The following CACNB2 variants were observed in gnomAD, a reference collection of about 807,000 sequenced individuals.
The protein encoded by CACNB2 is voltage-dependent L-type calcium channel subunit beta-2.
A neutral mutation model predicts 73.3 loss-of-function variants in CACNB2; 42 were observed. The observed-to-expected ratio is 0.57, with a 90% CI of 0.45 to 0.74. The LOEUF is 0.74. Ranked by LOEUF, CACNB2 falls within the 30% of genes least tolerant of loss-of-function variation. The pLI is 0.00. For missense variants in CACNB2, 940 were observed against 853.0 expected, an observed-to-expected ratio of 1.10 and a Z score of -1.27; for synonymous variants, 348 against 310.3, an observed-to-expected ratio of 1.12 and a Z score of -1.28.
chr10:18,298,075 A>G (rs1416977764), intron 2 of CACNB2, among the ~76,000 whole-genome samples: 1 of 152,138 alleles, frequency 6.6e-6, no homozygotes, highest in African/African-American at 2.4e-5. Flanking sequence ...ATCATTTAAA[A>G]CCTAACCTTG....
chr10:18,367,339 TTAAA>T (rs1484508517), intron 2 of CACNB2, among the ~76,000 whole-genome samples: 15 of 152,302 alleles, frequency 9.8e-5, no homozygotes, highest in African/African-American at 1.7e-4. Flanking sequence ...AACTTGGATT[TTAAA>T]TAGTTTTCAA....
chr10:18,447,495 C>T (rs537566372), intron 3 of CACNB2, among the ~76,000 whole-genome samples: 1 of 152,214 alleles, frequency 6.6e-6, no homozygotes, highest in African/African-American at 2.4e-5. Context: ...GGCTAAGAAA[C>T]AGTGGTCAGG....
At chr10:18,532,727 C>CA (rs1227923896) in intron 10 of CACNB2, among the ~76,000 whole-genome samples, 5 of 109,632 alleles carry the variant, frequency 4.6e-5, no homozygotes, top group South Asian at 2.9e-4. Context: ...ACAAAAAAAA[C>CA]AAAAAAACCC....
chr10:18,405,187 C>A (rs2044218229), intron 3 of CACNB2, among the ~76,000 whole-genome samples: 1 of 152,100 alleles, frequency 6.6e-6, no homozygotes, highest in South Asian at 2.1e-4. Context: ...GGTGTACAAC[C>A]ATCACTATAA....
At chr10:18,471,002 C>T (rs1244876611) in intron 3 of CACNB2, among the ~76,000 whole-genome samples, 1 of 151,946 alleles carries the variant, frequency 6.6e-6, no homozygotes, top group African/African-American at 2.4e-5. Flanking sequence ...TCGATGTGGT[C>T]AAATGAAAGG....
Position 18,150,950 on chromosome 10 carries a change from C to G in CACNB2, c.188C>G (p.Thr63Ser). ...TCTGATGGAAGCACGTCATCTGATA[C>G]TACCTCAAATAGTTTTGTTCGCCAG... ...KGSDGSTSSD[T>S]TSNSFVRQGS... The change falls in exon 2 of 14, where the codon ACT becomes AGT. Residue 63 changes from threonine to serine, a missense_variant. Thr to Ser is a moderately conservative substitution (Grantham distance 58). Transcript: ENST00000324631. The G allele has an allele frequency of 6.9e-7, 1 of 1,453,000 alleles. No homozygotes were observed. The highest frequency in any genetic ancestry group is 9.3e-7 in the Non-Finnish European group (1 of 1,081,034). 90.0% of individuals were successfully genotyped at this position (1,453,000 alleles called of 1,614,324 possible).
At chr10:18,182,538 C>T (rs1304340953) in intron 2 of CACNB2, among the ~76,000 whole-genome samples, 1 of 150,840 alleles carries the variant, frequency 6.6e-6, no homozygotes, top group African/African-American at 2.4e-5. Flanking sequence ...AAAAATCACC[C>T]AGGCAGGAGG....
chr10:18,518,060 T>C (rs902310525), intron 7 of CACNB2, among the ~76,000 whole-genome samples: 1 of 152,226 alleles, frequency 6.6e-6, no homozygotes, highest in Non-Finnish European at 1.5e-5. Context: ...AACTAGTTTT[T>C]GTTCAAAAGC....
intron 2 of CACNB2, among the ~76,000 whole-genome samples, chr10:18,323,527 C>G (rs1375975813): frequency 1.3e-5 from 2 of 151,818 alleles, no homozygotes; most frequent in African/African-American, 2.4e-5. Flanking sequence ...GAACACTCAT[C>G]GAATCATAGT....
Position 18,140,841 on chromosome 10 carries a change from C to T in CACNB2, c.105C>T (p.Leu35=). The change falls in exon 1 of 14, where the codon CTC becomes CTT. Residue 35 remains leucine, a synonymous_variant. Transcript: ENST00000324631. ...LLENVAPAGA[L]GAAAQSYGKG... is the part of the protein sequence containing the mutation. ...AGAACGTGGCTCCCGCGGGGGCGCT[C>T]GGAGCCGCCGCACAGGTAGCGAGAG... 6.2e-7 allele frequency: 1 copy of T among 1,601,886 alleles called. No individual in the cohort carries two copies. Among genetic ancestry groups the T allele is most frequent in the Non-Finnish European group, 8.5e-7 (1 of 1,176,040 alleles).
intron 2 of CACNB2, among the ~76,000 whole-genome samples, chr10:18,397,584 G>C (rs933987622): frequency 1.2e-4 from 19 of 152,056 alleles, no homozygotes; most frequent in African/African-American, 4.6e-4. Flanking sequence ...GTGTGGTGGT[G>C]CACATCTGTA....
intron 2 of CACNB2, among the ~76,000 whole-genome samples, chr10:18,216,870 C>G (rs1253788599): frequency 2.6e-5 from 4 of 152,092 alleles, no homozygotes; most frequent in African/African-American, 9.7e-5. Context: ...GTCATAGGAC[C>G]AATGACAACC....
At chr10:18,371,359 T>C (rs1228957439) in intron 2 of CACNB2, among the ~76,000 whole-genome samples, 2 of 152,084 alleles carry the variant, frequency 1.3e-5, no homozygotes, top group Non-Finnish European at 2.9e-5. Context: ...CTCCCCCCTT[T>C]CCCCGACCCC....
At chr10:18,521,090 C>T (rs900129518) in intron 9 of CACNB2, among the ~76,000 whole-genome samples, 1 of 152,244 alleles carries the variant, frequency 6.6e-6, no homozygotes, top group African/African-American at 2.4e-5. Context: ...GCTGCATACT[C>T]TCTGCTAGAG....
rs772732675 is a variant in CACNB2, at chr10:18,152,709, C to CAAAAAAAAAA, written c.213+1748_213+1757dup. ...TCATCATGCAGGACCTGAAACAGACCAAAAAAAAAAAAAAAAAAAAAAACA... is the reference window on the plus strand; with the variant it reads ...TCATCATGCAGGACCTGAAACAGACCAAAAAAAAAAAAAAAAAAAAAAAAAAAAAAAAACA... On this transcript the variant is annotated intron_variant, in intron 2 of 13. Coordinates refer to ENST00000324631, the MANE Select transcript of CACNB2 (RefSeq NM_201596.3). Among the ~76,000 whole-genome samples, 159 of 49,264 alleles carry CAAAAAAAAAA rather than the reference C, an allele frequency of 3.2e-3. 6 individuals carry two copies. Among genetic ancestry groups the CAAAAAAAAAA allele is most frequent in the Non-Finnish European group, 4.3e-3 (115 of 26,950 alleles). The allele number at this position is 49,264 out of a possible 152,430, so 32.3% of individuals were successfully genotyped here.
chr10:18,463,391 T>C (rs1213224989), intron 3 of CACNB2, among the ~76,000 whole-genome samples: 1 of 152,004 alleles, frequency 6.6e-6, no homozygotes, highest in African/African-American at 2.4e-5. Flanking sequence ...GTTCTTTGTT[T>C]CTCACCTTCC....
At chr10:18,215,729 G>A (rs1277571516) in intron 2 of CACNB2, among the ~76,000 whole-genome samples, 4 of 152,086 alleles carry the variant, frequency 2.6e-5, no homozygotes, top group African/African-American at 4.8e-5. Flanking sequence ...GGAAATAAGC[G>A]AGGTGAAGAA....
rs57533459 is a variant in CACNB2, at chr10:18,344,066, CAA to C, written c.214-57842_214-57841del. Among the ~76,000 whole-genome samples the C allele has an allele frequency of 1.5e-3, 166 of 109,452 alleles. 1 individual carries two copies. Among genetic ancestry groups the C allele is most frequent in the South Asian group, 7.0e-3 (24 of 3,438 alleles). The allele number at this position is 109,452 out of a possible 152,430, so 71.8% of individuals were successfully genotyped here. A position where few individuals can be genotyped will look rare whatever the true frequency, so the allele number is the denominator to read the frequency against. ...AATTTTATATTGCTCAAGCATTTAT[CAA>C]AAAAAAAAAAAAAAAGAAAGTTAGC... On this transcript the variant is annotated intron_variant, in intron 2 of 13. Coordinates refer to ENST00000324631, the MANE Select transcript of CACNB2 (RefSeq NM_201596.3).
At chr10:18,387,449 G>C (rs1401653566) in intron 2 of CACNB2, among the ~76,000 whole-genome samples, 1 of 152,124 alleles carries the variant, frequency 6.6e-6, no homozygotes, top group Non-Finnish European at 1.5e-5. Flanking sequence ...TCTGGGATTG[G>C]GGAACAGAGG....
Sources: gnomAD v4.1 joint callset for allele counts (sites outside exome capture counted in the v4.1 genomes callset) on GRCh38, gnomAD v4.1.1 for gene constraint, MANE v1.5 for transcripts, NCBI Gene and HGNC (gene_info 2026-07-23, HGNC 2026-07-21) for gene names.